The following PDE4D variants were observed in gnomAD, a reference collection of about 807,000 sequenced individuals.
PDE4D encodes 3',5'-cyclic-AMP phosphodiesterase 4D.
In PDE4D, 24 loss-of-function variants were observed where a neutral mutation model predicts 87.4. The observed-to-expected ratio is 0.27, with a 90% CI of 0.20 to 0.39. PDE4D has a LOEUF of 0.39. Among genes scored for constraint, PDE4D ranks in the 10% least tolerant of loss-of-function variants. The pLI, the probability that PDE4D is intolerant of heterozygous loss-of-function variation, is 1.00. For missense variants in PDE4D, 714 were observed against 1,041.0 expected (o/e 0.69, Z 4.32); for synonymous variants, 384 against 383.2 (o/e 1.00, Z -0.02).
intron 2 of PDE4D, among the ~76,000 whole-genome samples, chr5:60,052,894 A>G (rs1770341809): frequency 6.6e-6 from 1 of 152,192 alleles, no homozygotes; most frequent in Non-Finnish European, 1.5e-5. Flanking sequence ...ATACATCAGT[A>G]ATAGACAAAC....
intron 1 of PDE4D, among the ~76,000 whole-genome samples, chr5:59,677,991 A>G (rs1016669181): frequency 6.6e-6 from 1 of 152,258 alleles, no homozygotes; most frequent in Admixed American, 6.5e-5. Context: ...TATTAAGCAC[A>G]TAAGTACTGA....
intron 1 of PDE4D, among the ~76,000 whole-genome samples, chr5:60,235,255 T>A (rs1439806344): frequency 6.6e-6 from 1 of 151,884 alleles, no homozygotes; most frequent in East Asian, 1.9e-4. Flanking sequence ...TATTTATATT[T>A]CAGACTTATT....
intron 5 of PDE4D, among the ~76,000 whole-genome samples, chr5:59,108,527 T>C (rs1772007914): frequency 6.6e-6 from 1 of 152,136 alleles, no homozygotes; most frequent in Non-Finnish European, 1.5e-5. Context: ...GGATTAGGGC[T>C]AAAAGGCTGA....
At chr5:59,283,834 C>T (rs1581755748) in intron 1 of PDE4D, among the ~76,000 whole-genome samples, 1 of 152,112 alleles carries the variant, frequency 6.6e-6, no homozygotes, top group African/African-American at 2.4e-5. Flanking sequence ...TATTTTATAA[C>T]ACATTTGCAG....
intron 1 of PDE4D, among the ~76,000 whole-genome samples, chr5:59,547,060 A>G (rs545450541): frequency 6.6e-6 from 1 of 152,274 alleles, no homozygotes; most frequent in African/African-American, 2.4e-5. Context: ...TGTGTTGCCT[A>G]TGAGTTGGTT....
chr5:60,289,709 C>T (rs1197351581), intron 1 of PDE4D, among the ~76,000 whole-genome samples: 1 of 152,046 alleles, frequency 6.6e-6, no homozygotes, highest in African/African-American at 2.4e-5. Context: ...AAGAGTGGGA[C>T]AAGAGAAAAA....
At chr5:60,020,715 T>C (rs1421791223) in intron 2 of PDE4D, among the ~76,000 whole-genome samples, 1 of 152,168 alleles carries the variant, frequency 6.6e-6, no homozygotes, top group East Asian at 1.9e-4. Flanking sequence ...ACCAGTTGAA[T>C]GCAGCTAGGT....
chr5:59,760,742 T>C (rs953332676), intron 1 of PDE4D, among the ~76,000 whole-genome samples: 3 of 152,218 alleles, frequency 2.0e-5, no homozygotes, highest in Admixed American at 6.5e-5. Context: ...TAGTTTTTAA[T>C]GGTTAATGTT....
intron 1 of PDE4D, among the ~76,000 whole-genome samples, chr5:59,877,477 C>T (rs777672016): frequency 7.2e-4 from 61 of 84,774 alleles, no homozygotes; most frequent in Admixed American, 2.7e-3. Flanking sequence ...TATGCCAGAA[C>T]CTAAAAAAAA....
At chr5:59,878,891 T>C (rs1205650794) in intron 1 of PDE4D, among the ~76,000 whole-genome samples, 1 of 71,040 alleles carries the variant, frequency 1.4e-5, no homozygotes, top group Admixed American at 1.3e-4. Flanking sequence ...AAGTAAGTTT[T>C]TTTTTTTTTT....
chr5:60,141,545 C>T (rs903838996), intron 2 of PDE4D, among the ~76,000 whole-genome samples: 1 of 152,120 alleles, frequency 6.6e-6, no homozygotes, highest in Admixed American at 6.6e-5. Context: ...CTTTAGGACT[C>T]TTCGGTGAGC....
At chr5:60,340,731 T>C (rs913303637) in intron 1 of PDE4D, among the ~76,000 whole-genome samples, 2 of 151,902 alleles carry the variant, frequency 1.3e-5, no homozygotes, top group Non-Finnish European at 2.9e-5. Flanking sequence ...AAAAGAGATA[T>C]AATGAAAAAG....
At chr5:59,167,307 A>G (rs971836104) in intron 5 of PDE4D, among the ~76,000 whole-genome samples, 40 of 152,090 alleles carry the variant, frequency 2.6e-4, no homozygotes, top group Non-Finnish European at 1.2e-4. Context: ...AAACCTACCA[A>G]TGTTTGAGAT....
In PDE4D at chr5:60,217,988, C is replaced by T. The variant is rs545901060; in HGVS notation, c.-89-32301G>A. Reference sequence around the variant, plus strand: ...ACTATCACTTTGTAAAATCCTTTGGCAGCATTTACTAAAGCTGAATTATGT... The same window carrying T: ...ACTATCACTTTGTAAAATCCTTTGGTAGCATTTACTAAAGCTGAATTATGT... On this transcript the variant is annotated intron_variant, in intron 1 of 16. Transcript: ENST00000502484. Among the ~76,000 whole-genome samples, 43 of 152,064 alleles carry T rather than the reference C, an allele frequency of 2.8e-4. 2 individuals are homozygous for T. The South Asian group carries it at 8.3e-3, about 29-fold the overall frequency.
At chr5:59,956,561 G>A (rs2152807616) in intron 3 of PDE4D, among the ~76,000 whole-genome samples, 1 of 152,168 alleles carries the variant, frequency 6.6e-6, no homozygotes, top group South Asian at 2.1e-4. Context: ...GCAACCAAAT[G>A]TTTCTATTTG....
chr5:58,990,366 G>C (rs1401346109), intron 9 of PDE4D, among the ~76,000 whole-genome samples: 1 of 151,920 alleles, frequency 6.6e-6, no homozygotes, highest in African/African-American at 2.4e-5. Flanking sequence ...TGGAGCAAAG[G>C]GTCAATAAGA....
chr5:60,134,699 G>A (rs1267527573), intron 2 of PDE4D, among the ~76,000 whole-genome samples: 3 of 152,096 alleles, frequency 2.0e-5, no homozygotes, highest in Non-Finnish European at 4.4e-5. Context: ...TTGTTGTAAT[G>A]CCTAGTATAA....
At chr5:59,830,837 C>G (rs1581309921) in intron 1 of PDE4D, among the ~76,000 whole-genome samples, 1 of 152,128 alleles carries the variant, frequency 6.6e-6, no homozygotes, top group East Asian at 1.9e-4. Context: ...AACAGTTTTT[C>G]TTTTCTAACT....
chr5:60,257,389 G>A (rs1273426283), intron 1 of PDE4D, among the ~76,000 whole-genome samples: 1 of 151,820 alleles, frequency 6.6e-6, no homozygotes, highest in Admixed American at 6.6e-5. Flanking sequence ...CTTTGCTATA[G>A]GACAATTTTT....
Sources: allele counts gnomAD v4.1 joint callset (sites outside exome capture counted in the v4.1 genomes callset), GRCh38; gene constraint gnomAD v4.1.1; transcripts MANE v1.5; gene names NCBI Gene and HGNC (gene_info 2026-07-23, HGNC 2026-07-21).